MSI2: variants seen among roughly 807,000 people sequenced by gnomAD.
The protein encoded by MSI2 is RNA-binding protein Musashi homolog 2.
MSI2 carries 17 observed loss-of-function variants against 45.6 expected under a neutral mutation model. The observed-to-expected ratio is 0.37, with a 90% CI of 0.26 to 0.56. The LOEUF (loss-of-function observed/expected upper bound fraction) is 0.56. Among genes scored for constraint, MSI2 ranks in the 20% least tolerant of loss-of-function variants. The pLI, the probability that MSI2 is intolerant of heterozygous loss-of-function variation, is 0.77. For missense variants in MSI2, 293 were observed against 444.2 expected (o/e 0.66, Z 3.06); for synonymous variants, 156 against 158.2 (o/e 0.99, Z 0.11).
chr17:57,310,335 A>ATTT, intron 5 of MSI2, among the ~76,000 whole-genome samples: 1 of 141,432 alleles, frequency 7.1e-6, no homozygotes, highest in African/African-American at 2.6e-5. Context: ...AGGTTGTGTT[A>ATTT]TTTTTTTTTT....
chr17:57,444,323 G>A (rs1317765203), intron 6 of MSI2, among the ~76,000 whole-genome samples: 1 of 151,936 alleles, frequency 6.6e-6, no homozygotes, highest in Admixed American at 6.6e-5. Context: ...AGTAGCTCAC[G>A]CCTATAATCC....
At chr17:57,369,008 T>A (rs1041518850) in intron 5 of MSI2, among the ~76,000 whole-genome samples, 1 of 152,194 alleles carries the variant, frequency 6.6e-6, no homozygotes, top group African/African-American at 2.4e-5. Context: ...ATGAGATTTT[T>A]TTCTACTGGG....
At chr17:57,319,189 G>A (rs895930807) in intron 5 of MSI2, among the ~76,000 whole-genome samples, 1 of 152,252 alleles carries the variant, frequency 6.6e-6, no homozygotes, top group Non-Finnish European at 1.5e-5. Flanking sequence ...GAAATAGTGC[G>A]ACAGGGGCGA....
intron 6 of MSI2, among the ~76,000 whole-genome samples, chr17:57,426,675 C>T (rs976828658): frequency 6.6e-6 from 1 of 152,224 alleles, no homozygotes; most frequent in Non-Finnish European, 1.5e-5. Flanking sequence ...TCCCCATCCT[C>T]GTGCAGGTGA....
rs549254873 is a variant in MSI2, at chr17:57,472,975, C to T, written c.406-56701C>T. ...TGGTGTCATCTCGGCTCACTGCAAC[C>T]TCTGCCTCCCGGGTTCAAGTGATTC... On this transcript the variant is annotated intron_variant, in intron 6 of 13. Transcript: ENST00000284073. 8.2e-4 allele frequency among the ~76,000 whole-genome samples: 125 copies of T among 152,110 alleles called. 1 individual carries two copies. The highest frequency in any genetic ancestry group is 1.3e-3 in the Non-Finnish European group (87 of 68,018).
At chr17:57,655,739 G>A (rs552546515) in intron 11 of MSI2, among the ~76,000 whole-genome samples, 7 of 152,154 alleles carry the variant, frequency 4.6e-5, no homozygotes, top group Non-Finnish European at 1.0e-4. Flanking sequence ...CACGCTCAGC[G>A]GGAAGGTTTG....
chr17:57,312,626 A>G (rs1912491995), intron 5 of MSI2, among the ~76,000 whole-genome samples: 2 of 152,178 alleles, frequency 1.3e-5, no homozygotes, highest in Non-Finnish European at 2.9e-5. Context: ...GGAAAAGAAA[A>G]TTCTCTGAAG....
chr17:57,316,092 G>A (rs1471770530), intron 5 of MSI2, among the ~76,000 whole-genome samples: 1 of 151,822 alleles, frequency 6.6e-6, no homozygotes, highest in African/African-American at 2.4e-5. Flanking sequence ...AGTACACCTG[G>A]TCTTGTTACA....
At chr17:57,314,954 G>A (rs1019577412) in intron 5 of MSI2, among the ~76,000 whole-genome samples, 25 of 152,152 alleles carry the variant, frequency 1.6e-4, no homozygotes, top group African/African-American at 5.8e-4. Context: ...GTGGTTCTCA[G>A]CCTTGGCTGC....
chr17:57,371,483 C>T (rs1007240818), intron 5 of MSI2, among the ~76,000 whole-genome samples: 16 of 144,594 alleles, frequency 1.1e-4, no homozygotes, highest in African/African-American at 4.1e-4. Flanking sequence ...CATTTCGGTA[C>T]ATTTTTTTCT....
chr17:57,615,779 G>A lies in MSI2; in HGVS notation c.538-191G>A, dbSNP rs902804734. ...CAGTTTCATCCTTGTAGGTTTTTCCGAAGCAGGATTTGCACAAGTGGCGTG... is the reference window on the plus strand; with the variant it reads ...CAGTTTCATCCTTGTAGGTTTTTCCAAAGCAGGATTTGCACAAGTGGCGTG... On this transcript the variant is annotated intron_variant, in intron 8 of 13. Transcript: ENST00000284073. Among the ~76,000 whole-genome samples the A allele has an allele frequency of 3.9e-5, 6 of 152,242 alleles. 1 individual carries two copies. The highest frequency in any genetic ancestry group is 4.4e-5 in the Non-Finnish European group (3 of 68,028).
At chr17:57,415,455 A>G (rs937408081) in intron 6 of MSI2, among the ~76,000 whole-genome samples, 1 of 152,192 alleles carries the variant, frequency 6.6e-6, no homozygotes, top group Admixed American at 6.5e-5. Context: ...GTTTGAATCC[A>G]GATCATTTGC....
chr17:57,442,617 A>C (rs1299701101), intron 6 of MSI2, among the ~76,000 whole-genome samples: 1 of 151,970 alleles, frequency 6.6e-6, no homozygotes, highest in Admixed American at 6.6e-5. Context: ...CTGGGAAAAA[A>C]CCCACAACCC....
intron 6 of MSI2, among the ~76,000 whole-genome samples, chr17:57,485,102 A>C (rs558927889): frequency 3.3e-5 from 5 of 152,276 alleles, no homozygotes; most frequent in African/African-American, 9.6e-5. Flanking sequence ...GAGTGTTTCC[A>C]GTTCAAATGG....
chr17:57,440,413 CGT>C (rs71139995), intron 6 of MSI2, among the ~76,000 whole-genome samples: 9,614 of 104,274 alleles, frequency 0.092, 382 homozygotes, highest in South Asian at 0.1. Context: ...GTTTGTTATC[CGT>C]GTGTGTGTGT....
chr17:57,639,702 G>A (rs1226912155), intron 10 of MSI2, among the ~76,000 whole-genome samples: 2 of 152,176 alleles, frequency 1.3e-5, no homozygotes, highest in Non-Finnish European at 2.9e-5. Context: ...CTGCCCCCAG[G>A]GCACGCCTGG....
At chr17:57,594,431 G>A (rs1905099719) in intron 7 of MSI2, among the ~76,000 whole-genome samples, 1 of 152,172 alleles carries the variant, frequency 6.6e-6, no homozygotes, top group South Asian at 2.1e-4. Flanking sequence ...TCCCAACCCA[G>A]GATTCCTGAG....
chr17:57,323,221 T>G (rs1913491994), intron 5 of MSI2, among the ~76,000 whole-genome samples: 1 of 152,196 alleles, frequency 6.6e-6, no homozygotes, highest in Non-Finnish European at 1.5e-5. Context: ...TAGGTCTGTT[T>G]CCTCATCTGT....
chr17:57,480,210 G>A (rs2085621021), intron 6 of MSI2, among the ~76,000 whole-genome samples: 2 of 152,108 alleles, frequency 1.3e-5, no homozygotes, highest in Admixed American at 1.3e-4. Context: ...TTATCCACCT[G>A]CCTCAGCCTC....
Sources: allele counts gnomAD v4.1 joint callset (sites outside exome capture counted in the v4.1 genomes callset), GRCh38; gene constraint gnomAD v4.1.1; transcripts MANE v1.5; gene names NCBI Gene and HGNC (gene_info 2026-07-23, HGNC 2026-07-21).